Variants in SAMD12 observed in about 807,000 individuals in gnomAD.
SAMD12 encodes the protein sterile alpha motif domain-containing protein 12.
Under a neutral mutation model 15.0 loss-of-function variants are expected in SAMD12, and 9 were observed. That is an observed-to-expected ratio of 0.60 (90% CI 0.36 to 1.05). The LOEUF (loss-of-function observed/expected upper bound fraction) is 1.05. SAMD12 is among the 50% of genes least tolerant of loss of function. The pLI is 0.01. For missense variants in SAMD12, 230 were observed against 234.2 expected (o/e 0.98, Z 0.12); for synonymous variants, 86 against 90.1 (o/e 0.96, Z 0.25).
At chr8:118,407,462 C>T (rs1821190193) in intron 3 of SAMD12, among the ~76,000 whole-genome samples, 1 of 152,130 alleles carries the variant, frequency 6.6e-6, no homozygotes, top group Non-Finnish European at 1.5e-5. Context: ...ACTATGCATT[C>T]TTAAGGAAAA....
At chr8:118,450,642 T>C (rs1823052683) in intron 2 of SAMD12, among the ~76,000 whole-genome samples, 1 of 152,158 alleles carries the variant, frequency 6.6e-6, no homozygotes, top group Admixed American at 6.5e-5. Context: ...GGAATAACAA[T>C]GTGGTAGATT....
intron 2 of SAMD12, among the ~76,000 whole-genome samples, chr8:118,558,559 TTTTG>T (rs1013863077): frequency 3.9e-5 from 6 of 151,968 alleles, no homozygotes; most frequent in East Asian, 3.9e-4. Flanking sequence ...TTTTTGTTTT[TTTTG>T]TTTGTTTGTT....
At chr8:118,138,548 T>C in the SAMD12 span, among the ~76,000 whole-genome samples, 8 of 152,328 alleles carry the variant, frequency 5.3e-5, no homozygotes, top group East Asian at 3.9e-4. Flanking sequence ...ACACTGAATA[T>C]GTTGGAGCCT....
At chr8:118,346,983 A>G (rs1374312001) in intron 4 of SAMD12, among the ~76,000 whole-genome samples, 1 of 152,200 alleles carries the variant, frequency 6.6e-6, no homozygotes. Context: ...AGCTCACTGC[A>G]GCCCCGAATT....
At chr8:118,310,613 T>G (rs1055719996) in intron 4 of SAMD12, among the ~76,000 whole-genome samples, 3 of 152,206 alleles carry the variant, frequency 2.0e-5, no homozygotes, top group Admixed American at 1.3e-4. Flanking sequence ...GGTATGCTCT[T>G]GACTTCAATG....
intron 2 of SAMD12, among the ~76,000 whole-genome samples, chr8:118,445,376 T>C (rs1420820774): frequency 6.6e-6 from 1 of 152,224 alleles, no homozygotes; most frequent in Non-Finnish European, 1.5e-5. Context: ...TTTAAAAACA[T>C]ATCTTGTCTA....
At chr8:118,505,473 C>T (rs975851575) in intron 2 of SAMD12, among the ~76,000 whole-genome samples, 2 of 151,814 alleles carry the variant, frequency 1.3e-5, no homozygotes, top group African/African-American at 4.8e-5. Flanking sequence ...CTATGAAAAC[C>T]GTTTGGAAAG....
chr8:118,529,354 TTTCA>T (rs1182835187), intron 2 of SAMD12, among the ~76,000 whole-genome samples: 2 of 152,228 alleles, frequency 1.3e-5, no homozygotes, highest in African/African-American at 4.8e-5. Context: ...TCCTTTGGGC[TTTCA>T]TTGTCACAAG....
the SAMD12 span, among the ~76,000 whole-genome samples, chr8:118,166,518 A>T: frequency 3.9e-5 from 6 of 152,210 alleles, no homozygotes; most frequent in Non-Finnish European, 5.9e-5. Flanking sequence ...CTGTCACAAA[A>T]AATTAATGCT....
intron 2 of SAMD12, among the ~76,000 whole-genome samples, chr8:118,501,311 A>G (rs757307287): frequency 1.4e-4 from 21 of 152,270 alleles, no homozygotes; most frequent in South Asian, 4.1e-4. Flanking sequence ...ATAAACTCGG[A>G]TAGATTTTAT....
chr8:118,600,965 A>G (rs530630956), intron 1 of SAMD12, among the ~76,000 whole-genome samples: 1 of 152,310 alleles, frequency 6.6e-6, no homozygotes, highest in South Asian at 2.1e-4. Context: ...GAAAAGAATA[A>G]ATCACAGACA....
chr8:118,606,038 A>G (rs189732502), intron 1 of SAMD12, among the ~76,000 whole-genome samples: 50 of 152,246 alleles, frequency 3.3e-4, no homozygotes, highest in African/African-American at 1.2e-3. Context: ...TATTAGCTTA[A>G]TAGGGAAATT....
intron 2 of SAMD12, among the ~76,000 whole-genome samples, chr8:118,463,288 G>A (rs1354634964): frequency 6.6e-6 from 1 of 152,122 alleles, no homozygotes; most frequent in Admixed American, 6.5e-5. Context: ...AGAAGTCCAG[G>A]CAGGCAGGTG....
At chr8:118,601,575 A>G (rs1827867634) in intron 1 of SAMD12, among the ~76,000 whole-genome samples, 1 of 152,210 alleles carries the variant, frequency 6.6e-6, no homozygotes, top group South Asian at 2.1e-4. Context: ...ACTCATTATC[A>G]TCAGAAGAGA....
At chr8:118,407,112 C>T (rs914795583) in intron 3 of SAMD12, among the ~76,000 whole-genome samples, 4 of 152,080 alleles carry the variant, frequency 2.6e-5, no homozygotes, top group Admixed American at 6.5e-5. Flanking sequence ...TAAGTAACAA[C>T]AACAACAACA....
intron 2 of SAMD12, among the ~76,000 whole-genome samples, chr8:118,474,134 T>C (rs1298510675): frequency 2.0e-5 from 3 of 151,998 alleles, no homozygotes; most frequent in Non-Finnish European, 4.4e-5. Context: ...CTAATTTTTG[T>C]ATTTTTAGTA....
chr8:118,613,032 T>G (rs1828145193), intron 1 of SAMD12, among the ~76,000 whole-genome samples: 1 of 152,174 alleles, frequency 6.6e-6, no homozygotes, highest in Admixed American at 6.5e-5. Context: ...AGAGCAGTAG[T>G]TGTCAGGGGC....
At chr8:118,604,300 T>C (rs923665427) in intron 1 of SAMD12, among the ~76,000 whole-genome samples, 3 of 152,232 alleles carry the variant, frequency 2.0e-5, no homozygotes, top group Non-Finnish European at 2.9e-5. Flanking sequence ...TATTTGTATA[T>C]GAAATTTATA....
At chr8:118,304,494 C>T (rs1425857572) in intron 4 of SAMD12, among the ~76,000 whole-genome samples, 1 of 152,170 alleles carries the variant, frequency 6.6e-6, no homozygotes, top group African/African-American at 2.4e-5. Flanking sequence ...TATCCAGTGG[C>T]TCACGCCTGT....
Sources: gnomAD v4.1 joint callset for allele counts (sites outside exome capture counted in the v4.1 genomes callset) on GRCh38, gnomAD v4.1.1 for gene constraint, MANE v1.5 for transcripts, NCBI Gene and HGNC (gene_info 2026-07-23, HGNC 2026-07-21) for gene names.